Variants in C10orf67 observed in about 807,000 individuals in gnomAD.
The protein encoded by C10orf67 is chromosome 10 open reading frame 67.
C10orf67 carries 60 observed loss-of-function variants against 35.6 expected under a neutral mutation model. The observed-to-expected ratio is 1.68, with a 90% CI of 1.37 to 2.09. The LOEUF (loss-of-function observed/expected upper bound fraction) is 2.09. C10orf67 is among the 30% of genes most tolerant of loss of function. The pLI, the probability that C10orf67 is intolerant of heterozygous loss-of-function variation, is 0.00. For missense variants in C10orf67, 474 were observed against 330.2 expected (o/e 1.44, Z -3.38); for synonymous variants, 167 against 115.8 (o/e 1.44, Z -2.84).
intron 15 of C10orf67, among the ~76,000 whole-genome samples, chr10:23,209,499 T>C (rs1464051541): frequency 6.6e-6 from 1 of 152,148 alleles, no homozygotes; most frequent in Non-Finnish European, 1.5e-5. Flanking sequence ...CTGTACTGTA[T>C]ACTTGAAATT....
At chr10:23,344,127 CG>C (rs1442066711) in intron 1 of C10orf67, 1 of 93,298 alleles carries the variant, frequency 1.1e-5, no homozygotes, top group Non-Finnish European at 2.1e-5. Flanking sequence ...GGGCGGGGGC[CG>C]GGGAGGGCCG....
chr10:23,219,263 A>C (rs924102711), intron 15 of C10orf67, among the ~76,000 whole-genome samples: 10 of 152,226 alleles, frequency 6.6e-5, no homozygotes, highest in African/African-American at 2.4e-4. Context: ...CCTGTGTTTC[A>C]GATACTGATG....
At chr10:23,252,802 T>C (rs879628884) in intron 10 of C10orf67, among the ~76,000 whole-genome samples, 4 of 152,200 alleles carry the variant, frequency 2.6e-5, no homozygotes, top group Admixed American at 6.5e-5. Flanking sequence ...CAGGTACCCA[T>C]GGCCTGTTTA....
Position 23,266,327 on chromosome 10 carries a change from C to T in C10orf67, c.1135G>A (p.Val379Ile). The T allele has an allele frequency of 2.5e-6, 1 of 398,626 alleles. No homozygotes were observed. Among genetic ancestry groups the T allele is most frequent in the East Asian group, 3.6e-5 (1 of 28,072 alleles). 24.7% of individuals were successfully genotyped at this position (398,626 alleles called of 1,614,324 possible). ...GCTTTCTGGGCCCCAGCAGATGATA[C>T]ACTCATGGTCGCAGAATGTGGCCTC... Reference protein sequence around the residue: ...ALRPHSATMSVSSAGAQKAKM... With the variant: ...ALRPHSATMSISSAGAQKAKM... The change falls in exon 10 of 16, where the codon GTA becomes ATA. Residue 379 changes from valine (V) to isoleucine (I), a missense_variant. Transcript: ENST00000636213.
At chr10:23,247,508 A>G (rs535129066) in intron 12 of C10orf67, among the ~76,000 whole-genome samples, 1 of 152,304 alleles carries the variant, frequency 6.6e-6, no homozygotes, top group East Asian at 1.9e-4. Flanking sequence ...ACACTCTAAG[A>G]TGCTCACACA....
chr10:23,251,399 C>G (rs1296075368), intron 10 of C10orf67, among the ~76,000 whole-genome samples: 2 of 152,176 alleles, frequency 1.3e-5, no homozygotes, highest in African/African-American at 4.8e-5. Flanking sequence ...CTCCTTCTAT[C>G]AAAACAGTTC....
At chr10:23,319,407 T>C in intron 4 of C10orf67, among the ~76,000 whole-genome samples, 1 of 152,218 alleles carries the variant, frequency 6.6e-6, no homozygotes, top group East Asian at 1.9e-4. Flanking sequence ...CAGTCCACCG[T>C]TGATGGGCAT....
chr10:23,331,176 C>T (rs1255553975), intron 2 of C10orf67, among the ~76,000 whole-genome samples: 1 of 56,248 alleles, frequency 1.8e-5, no homozygotes, highest in African/African-American at 6.8e-5. Context: ...GGAACCGGGA[C>T]GGGGAAGGGA....
chr10:23,239,661 G>A (rs1403283235), intron 13 of C10orf67, 68 bp downstream of exon 13: 4 of 596,824 alleles, frequency 6.7e-6, no homozygotes, highest in South Asian at 2.1e-5. Context: ...AACCTTAAAC[G>A]AGAACAGAAA....
At chr10:23,248,326 T>G (rs1355553007) in intron 12 of C10orf67, among the ~76,000 whole-genome samples, 1 of 152,198 alleles carries the variant, frequency 6.6e-6, no homozygotes, top group East Asian at 1.9e-4. Context: ...ACCAGCATAC[T>G]GTTTGTGCGA....
At chr10:23,337,061 A>T (rs980011614) in intron 1 of C10orf67, among the ~76,000 whole-genome samples, 1 of 152,232 alleles carries the variant, frequency 6.6e-6, no homozygotes, top group Non-Finnish European at 1.5e-5. Context: ...AAGCATCAAA[A>T]TAAATAATGA....
intron 4 of C10orf67, among the ~76,000 whole-genome samples, chr10:23,306,530 G>GAAAAAAAAAAAAA (rs61468201): frequency 1.8e-5 from 1 of 56,316 alleles, no homozygotes; most frequent in African/African-American, 6.0e-5. Context: ...CTCCATCTCA[G>GAAAAAAAAAAAAA]AAAAAAAAAA....
chr10:23,228,924 C>T (rs548071124), intron 13 of C10orf67, among the ~76,000 whole-genome samples: 3 of 151,990 alleles, frequency 2.0e-5, no homozygotes, highest in Non-Finnish European at 2.9e-5. Context: ...CATTAAAAAG[C>T]CAGGAAACAA....
chr10:23,263,634 A>C (rs538877464), intron 10 of C10orf67, among the ~76,000 whole-genome samples: 1 of 152,256 alleles, frequency 6.6e-6, no homozygotes, highest in Admixed American at 6.5e-5. Flanking sequence ...CTGCAGATCA[A>C]AGCATGCACC....
intron 13 of C10orf67, among the ~76,000 whole-genome samples, chr10:23,234,930 T>G (rs1350115406): frequency 1.4e-5 from 2 of 145,252 alleles, no homozygotes; most frequent in Non-Finnish European, 3.0e-5. Flanking sequence ...GAGAATTGCT[T>G]GAACCCGGGA....
intron 1 of C10orf67, among the ~76,000 whole-genome samples, chr10:23,341,865 C>A (rs1845901507): frequency 6.6e-6 from 1 of 152,186 alleles, no homozygotes; most frequent in Non-Finnish European, 1.5e-5. Context: ...CTTCCCTGAT[C>A]ACCATTTCTA....
intron 1 of C10orf67, among the ~76,000 whole-genome samples, chr10:23,342,164 TA>T (rs1303146244): frequency 6.6e-6 from 1 of 151,248 alleles, no homozygotes; most frequent in Non-Finnish European, 1.5e-5. Context: ...ACCCTGACTC[TA>T]AAAAACAAAA....
intron 12 of C10orf67, among the ~76,000 whole-genome samples, chr10:23,246,183 A>G (rs763631373): frequency 4.0e-4 from 61 of 152,162 alleles, no homozygotes; most frequent in Non-Finnish European, 7.9e-4. Flanking sequence ...GGAACAACAG[A>G]CATCAGGGCC....
intron 12 of C10orf67, among the ~76,000 whole-genome samples, chr10:23,245,566 C>T (rs1842296394): frequency 6.6e-6 from 1 of 152,082 alleles, no homozygotes; most frequent in African/African-American, 2.4e-5. Context: ...GACATTTCCC[C>T]AAAGAAGACA....
Sources: allele counts gnomAD v4.1 joint callset (sites outside exome capture counted in the v4.1 genomes callset), GRCh38; gene constraint gnomAD v4.1.1; transcripts MANE v1.5; gene names NCBI Gene and HGNC (gene_info 2026-07-23, HGNC 2026-07-21).